The following PLEKHA7 variants were observed in gnomAD, a reference collection of about 807,000 sequenced individuals.
PLEKHA7 encodes pleckstrin homology domain containing A7.
PLEKHA7 carries 104 observed loss-of-function variants against 170.0 expected under a neutral mutation model. The observed-to-expected ratio is 0.61, with a 90% confidence interval of 0.52 to 0.72. PLEKHA7 has a LOEUF of 0.72. Ranked by LOEUF, PLEKHA7 falls within the 30% of genes least tolerant of loss-of-function variation. PLEKHA7 has a pLI of 0.00. For synonymous variants in PLEKHA7, 648 were observed against 660.8 expected (o/e 0.98, Z 0.30); for missense variants, 1,615 against 1,671.7 (o/e 0.97, Z 0.59).
chr11:16,873,778 T>G (rs1855057923), intron 3 of PLEKHA7, among the ~76,000 whole-genome samples: 1 of 152,210 alleles, frequency 6.6e-6, no homozygotes, highest in Non-Finnish European at 1.5e-5. Flanking sequence ...GTGATTCTCC[T>G]GCCTTAGCCT....
At chr11:16,805,380 T>G (rs1347491577) in intron 13 of PLEKHA7, among the ~76,000 whole-genome samples, 1 of 152,238 alleles carries the variant, frequency 6.6e-6, no homozygotes, top group East Asian at 1.9e-4. Flanking sequence ...TCTAAAAGTA[T>G]GCCCTTTGCT....
At chr11:17,008,493 C>A (rs966277955) in intron 3 of PLEKHA7, among the ~76,000 whole-genome samples, 1 of 152,228 alleles carries the variant, frequency 6.6e-6, no homozygotes, top group Non-Finnish European at 1.5e-5. Context: ...CTTGACAGGC[C>A]TGTTCCTGGC....
chr11:16,966,292 G>A (rs1862371515), intron 3 of PLEKHA7, among the ~76,000 whole-genome samples: 5 of 3,408 alleles, frequency 1.5e-3, no homozygotes, highest in South Asian at 0.05. Flanking sequence ...GTGCATGTAT[G>A]TGTGTGTGTG....
At position 16,782,926 on chromosome 11, in the gene PLEKHA7, C is replaced by T. The variant is rs1849144074; in HGVS notation, c.3651-30G>A. ...AGGAGGGTCGGAAGCAGACCATGGGCCCTCCTGCCCTGGGTAGCAGCCTCA... is the reference window on the plus strand; with the variant it reads ...AGGAGGGTCGGAAGCAGACCATGGGTCCTCCTGCCCTGGGTAGCAGCCTCA... On this transcript the variant is annotated intron_variant, in intron 25 of 26. Coordinates refer to ENST00000531066, the MANE Select transcript of PLEKHA7 (RefSeq NM_001329630.2). 4 of 1,531,402 alleles carry T rather than the reference C, an allele frequency of 2.6e-6. No individual in the cohort carries two copies. In the African/African-American group the frequency reaches 4.1e-5, roughly 16 times the overall value. The allele number at this position is 1,531,402 out of a possible 1,614,324, so 94.9% of individuals were successfully genotyped here.
intron 3 of PLEKHA7, among the ~76,000 whole-genome samples, chr11:16,980,693 T>A (rs115210341): frequency 0.03 from 4,588 of 152,080 alleles, 148 homozygotes; most frequent in African/African-American, 0.079. Context: ...GAGGCCAAAG[T>A]GGATGGATCA....
intron 12 of PLEKHA7, 36 bp downstream of exon 12, chr11:16,816,142 A>G: frequency 1.3e-6 from 2 of 1,529,620 alleles, no homozygotes; most frequent in Non-Finnish European, 1.8e-6. Flanking sequence ...TTGATGAGAT[A>G]GGGCTTTGCA....
intron 3 of PLEKHA7, among the ~76,000 whole-genome samples, chr11:16,970,277 C>A (rs1862629606): frequency 6.6e-6 from 1 of 152,146 alleles, no homozygotes; most frequent in Admixed American, 6.5e-5. Flanking sequence ...GAACAAATGG[C>A]AACTTCTAGA....
chr11:16,949,548 G>A (rs549674777), intron 3 of PLEKHA7, among the ~76,000 whole-genome samples: 2 of 152,142 alleles, frequency 1.3e-5, no homozygotes, highest in Non-Finnish European at 2.9e-5. Flanking sequence ...ATGGCCTGTG[G>A]ATCACACTTA....
intron 9 of PLEKHA7, among the ~76,000 whole-genome samples, chr11:16,834,491 C>T (rs1046140638): frequency 6.6e-6 from 1 of 152,110 alleles, no homozygotes; most frequent in Non-Finnish European, 1.5e-5. Context: ...GGAAATTGGA[C>T]TTTATTCTAA....
chr11:16,933,729 G>A (rs995428499), intron 3 of PLEKHA7, among the ~76,000 whole-genome samples: 1 of 152,192 alleles, frequency 6.6e-6, no homozygotes, highest in African/African-American at 2.4e-5. Flanking sequence ...GAGCTATGGT[G>A]GTCTCCATTC....
At chr11:16,983,281 G>C (rs1272791719) in intron 3 of PLEKHA7, among the ~76,000 whole-genome samples, 2 of 152,232 alleles carry the variant, frequency 1.3e-5, no homozygotes. Context: ...GTGAGGTAGT[G>C]AACTCTCCCT....
chr11:16,897,466 G>A (rs889711227), intron 3 of PLEKHA7, among the ~76,000 whole-genome samples: 12 of 152,198 alleles, frequency 7.9e-5, no homozygotes, highest in Admixed American at 6.5e-4. Context: ...AGAAACAGCT[G>A]CACTCTGCCA....
chr11:16,850,108 T>G (rs1205355983), intron 8 of PLEKHA7, among the ~76,000 whole-genome samples: 1 of 152,090 alleles, frequency 6.6e-6, no homozygotes, highest in Non-Finnish European at 1.5e-5. Flanking sequence ...GACCAACACT[T>G]CCCTTTAACC....
At chr11:16,831,674 T>C (rs949160151) in intron 9 of PLEKHA7, among the ~76,000 whole-genome samples, 1 of 152,230 alleles carries the variant, frequency 6.6e-6, no homozygotes, top group Non-Finnish European at 1.5e-5. Context: ...GGACCTAGAT[T>C]CAAGAACTGG....
intron 9 of PLEKHA7, among the ~76,000 whole-genome samples, chr11:16,838,049 A>C (rs10832691): frequency 0.46 from 70,139 of 152,104 alleles, 17,877 homozygotes; most frequent in East Asian, 0.71. Context: ...AGAAGAGGAA[A>C]AACAAATTCC....
At chr11:16,968,764 C>A (rs1328606905) in intron 3 of PLEKHA7, among the ~76,000 whole-genome samples, 1 of 152,198 alleles carries the variant, frequency 6.6e-6, no homozygotes, top group African/African-American at 2.4e-5. Context: ...GCATGATAGG[C>A]CTGCAAACTC....
intron 3 of PLEKHA7, among the ~76,000 whole-genome samples, chr11:16,910,312 C>T (rs952413559): frequency 6.6e-6 from 1 of 152,166 alleles, no homozygotes; most frequent in Non-Finnish European, 1.5e-5. Flanking sequence ...ACCTAGAAAG[C>T]CCAGGGTGGC....
At chr11:16,967,787 C>T (rs1303409081) in intron 3 of PLEKHA7, among the ~76,000 whole-genome samples, 1 of 152,052 alleles carries the variant, frequency 6.6e-6, no homozygotes, top group African/African-American at 2.4e-5. Flanking sequence ...CTCCAGGCAC[C>T]AGAGTGATTC....
intron 3 of PLEKHA7, among the ~76,000 whole-genome samples, chr11:16,966,984 A>C (rs757617814): frequency 2.4e-4 from 37 of 152,168 alleles, no homozygotes; most frequent in Non-Finnish European, 5.0e-4. Context: ...ACATTAAATT[A>C]CTTTTCAGGA....
Sources: allele counts gnomAD v4.1 joint callset (sites outside exome capture counted in the v4.1 genomes callset), GRCh38; gene constraint gnomAD v4.1.1; transcripts MANE v1.5; gene names NCBI Gene and HGNC (gene_info 2026-07-23, HGNC 2026-07-21).